TIAM1: variants seen among roughly 807,000 people sequenced by gnomAD.
The protein encoded by TIAM1 is rho guanine nucleotide exchange factor TIAM1.
In TIAM1, 65 loss-of-function variants were observed where a neutral mutation model predicts 163.5. The ratio of observed to expected loss-of-function variants is 0.40; its 90% CI spans 0.33 to 0.49. The LOEUF is 0.49. TIAM1 is among the 20% of genes least tolerant of loss of function. TIAM1 has a pLI of 0.77. For synonymous variants in TIAM1, 833 were observed against 810.1 expected (o/e 1.03, Z -0.48); for missense variants, 1,789 against 2,044.7 (o/e 0.87, Z 2.41).
intron 19 of TIAM1, among the ~76,000 whole-genome samples, chr21:31,150,103 T>C (rs906933176): frequency 1.2e-4 from 19 of 152,290 alleles, no homozygotes; most frequent in African/African-American, 4.3e-4. Flanking sequence ...ATTTGGGGAA[T>C]CTAGATGAAG....
At chr21:31,312,392 T>C (rs191562572) in intron 2 of TIAM1, among the ~76,000 whole-genome samples, 5 of 152,196 alleles carry the variant, frequency 3.3e-5, no homozygotes, top group Admixed American at 1.3e-4. Context: ...AGGGAAACAA[T>C]ATAACAGGTG....
At chr21:31,385,717 T>A (rs73195570) in intron 2 of TIAM1, among the ~76,000 whole-genome samples, 14,033 of 141,228 alleles carry the variant, frequency 0.099, 700 homozygotes, top group Middle Eastern at 0.12. Flanking sequence ...CTGGAAGATT[T>A]AAAAAAAAAA....
intron 6 of TIAM1, among the ~76,000 whole-genome samples, chr21:31,228,244 A>AATAATCTGATAAGGATTTTTCCTTT (rs2088151598): frequency 7.7e-5 from 4 of 51,904 alleles, no homozygotes; most frequent in Admixed American, 6.6e-4. Flanking sequence ...AAAAAAAAAA[A>AATAATCTGATAAGGATTTTTCCTTT]AAAAAAAAAA....
chr21:31,440,486 C>A (rs929245917), intron 2 of TIAM1, among the ~76,000 whole-genome samples: 1 of 152,196 alleles, frequency 6.6e-6, no homozygotes, highest in African/African-American at 2.4e-5. Flanking sequence ...AAAGTCACAA[C>A]ACAAATGACC....
chr21:31,120,696 C>G lies in TIAM1; in HGVS notation c.4448G>C (p.Trp1483Ser). 6.2e-7 allele frequency: 1 copy of G among 1,614,044 alleles called. No homozygotes were observed. Among genetic ancestry groups the G allele is most frequent in the Non-Finnish European group, 8.5e-7 (1 of 1,180,020 alleles). Residue 1483 changes from tryptophan (W) to serine (S), a missense_variant, in exon 28 of 28, where the codon TGG becomes TCG. Transcript: ENST00000541036. This position sits in a 1 kb window ranked among gnomAD's most constrained non-coding sequence, Gnocchi z 4.2. ...AGCAAGATCAAACTGCTCCTCTACC[C>G]ATCGGTCAGTGTCCCCACCACCGGG... ...QPPGGGDTDR[W>S]VEEQFDLAQY...
At chr21:31,480,908 C>A (rs1032441860) in intron 1 of TIAM1, among the ~76,000 whole-genome samples, 2 of 152,112 alleles carry the variant, frequency 1.3e-5, no homozygotes, top group Non-Finnish European at 2.9e-5. Context: ...CATGAGCCCC[C>A]ACGCCCAACT....
At chr21:31,136,920 T>C (rs1469705576) in intron 22 of TIAM1, among the ~76,000 whole-genome samples, 1 of 152,234 alleles carries the variant, frequency 6.6e-6, no homozygotes, top group African/African-American at 2.4e-5. Context: ...AATAAAGAGT[T>C]TGAAGATTCC....
At chr21:31,396,277 C>T (rs1397810612) in intron 2 of TIAM1, among the ~76,000 whole-genome samples, 2 of 152,186 alleles carry the variant, frequency 1.3e-5, no homozygotes, top group Non-Finnish European at 2.9e-5. Context: ...TCGGCGCCTG[C>T]CCCATTCCTG....
chr21:31,553,757 A>AC (rs1312249463), intron 1 of TIAM1, among the ~76,000 whole-genome samples: 1 of 151,854 alleles, frequency 6.6e-6, no homozygotes, highest in African/African-American at 2.4e-5. Flanking sequence ...CCTCACCCCT[A>AC]CCTCAAGGCC....
At chr21:31,160,398 C>T (rs1412461260) in intron 16 of TIAM1, 6 of 398,484 alleles carry the variant, frequency 1.5e-5, no homozygotes, top group Non-Finnish European at 2.7e-5. Flanking sequence ...AAAGTCATAA[C>T]ACAATCAAAC....
At chr21:31,147,548 CCT>C (rs2083180087) in intron 19 of TIAM1, among the ~76,000 whole-genome samples, 1 of 151,288 alleles carries the variant, frequency 6.6e-6, no homozygotes, top group South Asian at 2.1e-4. Context: ...GCCTCTCTGC[CCT>C]GTCCCAGTAG....
chr21:31,382,934 T>C (rs1323805297), intron 2 of TIAM1, among the ~76,000 whole-genome samples: 1 of 152,192 alleles, frequency 6.6e-6, no homozygotes, highest in Non-Finnish European at 1.5e-5. Flanking sequence ...ATATTATCAA[T>C]ATCTTTTAGA....
chr21:31,340,043 G>A (rs540158746), intron 1 of TIAM1, among the ~76,000 whole-genome samples: 23 of 152,060 alleles, frequency 1.5e-4, no homozygotes, highest in Non-Finnish European at 2.9e-4. Context: ...CTCCACACTT[G>A]AAGCTGATTC....
At chr21:31,398,470 A>G (rs2077110887) in intron 2 of TIAM1, among the ~76,000 whole-genome samples, 1 of 152,208 alleles carries the variant, frequency 6.6e-6, no homozygotes, top group African/African-American at 2.4e-5. Context: ...ATGAGAAATA[A>G]CATAGCCATG....
chr21:31,173,473 ACACT>A (rs2084613320), intron 15 of TIAM1, among the ~76,000 whole-genome samples: 1 of 152,060 alleles, frequency 6.6e-6, no homozygotes, highest in African/African-American at 2.4e-5. Context: ...ATCAGCATAA[ACACT>A]CACCCCTCCA....
At chr21:31,204,302 G>A (rs897126988) in intron 11 of TIAM1, among the ~76,000 whole-genome samples, 4 of 152,144 alleles carry the variant, frequency 2.6e-5, no homozygotes, top group African/African-American at 2.4e-5. Flanking sequence ...GGGGGTGGGA[G>A]TGAGTAAATC....
intron 2 of TIAM1, among the ~76,000 whole-genome samples, chr21:31,377,058 T>TA (rs1324648477): frequency 2.8e-5 from 4 of 141,680 alleles, no homozygotes; most frequent in Non-Finnish European, 6.1e-5. Context: ...TTTTTTTTTT[T>TA]AGTAGACACA....
At chr21:31,197,723 T>A (rs944291651) in intron 12 of TIAM1, among the ~76,000 whole-genome samples, 1 of 152,150 alleles carries the variant, frequency 6.6e-6, no homozygotes, top group Non-Finnish European at 1.5e-5. Flanking sequence ...ACTTACAGAG[T>A]TCTGACCATG....
intron 1 of TIAM1, among the ~76,000 whole-genome samples, chr21:31,531,393 G>C (rs1407506570): frequency 6.6e-6 from 1 of 152,108 alleles, no homozygotes; most frequent in Non-Finnish European, 1.5e-5. Flanking sequence ...CTAGTGAGAG[G>C]AGACTGTATG....
Sources: allele counts gnomAD v4.1 joint callset (sites outside exome capture counted in the v4.1 genomes callset), GRCh38; gene constraint gnomAD v4.1.1; non-coding constraint Gnocchi (gnomAD v3.1); transcripts MANE v1.5; gene names NCBI Gene and HGNC (gene_info 2026-07-23, HGNC 2026-07-21).